GSK3B: variants seen among roughly 807,000 people sequenced by gnomAD.
The protein encoded by GSK3B is glycogen synthase kinase 3 beta.
A neutral mutation model predicts 56.4 loss-of-function variants in GSK3B; 15 were observed. The ratio of observed to expected loss-of-function variants is 0.27; its 90% CI spans 0.18 to 0.41. The LOEUF is 0.41. Ranked by LOEUF, GSK3B falls within the 10% of genes least tolerant of loss-of-function variation. GSK3B has a pLI of 1.00. For synonymous variants in GSK3B, 181 were observed against 188.9 expected (o/e 0.96, Z 0.34); for missense variants, 300 against 513.4 (o/e 0.58, Z 4.02).
At chr3:119,875,076 T>C (rs1471180011) in intron 8 of GSK3B, among the ~76,000 whole-genome samples, 1 of 152,076 alleles carries the variant, frequency 6.6e-6, no homozygotes, top group Non-Finnish European at 1.5e-5. Flanking sequence ...TACTTAGTGC[T>C]TACCATAAAC....
chr3:119,982,305 C>A (rs1231228013), intron 2 of GSK3B, among the ~76,000 whole-genome samples: 1 of 152,164 alleles, frequency 6.6e-6, no homozygotes, highest in Non-Finnish European at 1.5e-5. Context: ...CACCTCTTCA[C>A]CTCCAAAGGA....
chr3:119,931,802 GC>G (rs1468859931), intron 3 of GSK3B, among the ~76,000 whole-genome samples: 1 of 152,110 alleles, frequency 6.6e-6, no homozygotes, highest in African/African-American at 2.4e-5. Flanking sequence ...AAAGGAATCT[GC>G]TATTATACAA....
chr3:119,844,113 C>A (rs1179991117), intron 9 of GSK3B, among the ~76,000 whole-genome samples: 1 of 152,148 alleles, frequency 6.6e-6, no homozygotes, highest in Admixed American at 6.5e-5. Flanking sequence ...TAAATAAGTT[C>A]TTCGAAACCA....
At position 119,826,440 on chromosome 3, in the gene GSK3B, GGGGCA is replaced by G; in HGVS notation, c.*343_*347del. The G allele has an allele frequency of 2.2e-6, 1 of 445,266 alleles. No individual in the cohort carries two copies. The highest frequency in any genetic ancestry group is 2.0e-5 in the African/African-American group (1 of 51,144). The allele number at this position is 445,266 out of a possible 1,614,324, so 27.6% of individuals were successfully genotyped here. A position where few individuals can be genotyped will look rare whatever the true frequency, so the allele number is the denominator to read the frequency against. On this transcript the variant is annotated 3_prime_UTR_variant, in exon 11 of 11. Transcript: ENST00000264235. ...AAAAAGGTTTTCTTCTTTTGTGGAA[GGGGCA>G]TGAGGCAGGAGTCCTGTTTTTAAAG...
intron 7 of GSK3B, among the ~76,000 whole-genome samples, chr3:119,880,865 T>A (rs1179170679): frequency 6.6e-6 from 1 of 152,140 alleles, no homozygotes; most frequent in Non-Finnish European, 1.5e-5. Context: ...TTCCGTCACA[T>A]GCAACTCTAT....
chr3:120,073,638 A>C (rs1315718392), intron 1 of GSK3B, among the ~76,000 whole-genome samples: 1 of 152,196 alleles, frequency 6.6e-6, no homozygotes, highest in South Asian at 2.1e-4. Flanking sequence ...TACCCTAAAA[A>C]ACCTTAATTC....
At chr3:119,907,489 TATCA>T (rs2056694135) in intron 6 of GSK3B, among the ~76,000 whole-genome samples, 1 of 152,112 alleles carries the variant, frequency 6.6e-6, no homozygotes, top group Admixed American at 6.5e-5. Flanking sequence ...ACAAGGTACT[TATCA>T]ATCACTTTCT....
intron 1 of GSK3B, among the ~76,000 whole-genome samples, chr3:120,014,581 T>G (rs563481861): frequency 2.6e-5 from 4 of 152,192 alleles, no homozygotes; most frequent in Non-Finnish European, 4.4e-5. Flanking sequence ...AAATCAACCC[T>G]AATGATCAAC....
chr3:120,056,651 T>C (rs927127345), intron 1 of GSK3B, among the ~76,000 whole-genome samples: 2 of 151,958 alleles, frequency 1.3e-5, no homozygotes, highest in Admixed American at 6.6e-5. Context: ...AGGTTCTCAA[T>C]AGTTTTTAAG....
intron 2 of GSK3B, among the ~76,000 whole-genome samples, chr3:119,965,814 A>T (rs1576234596): frequency 6.6e-6 from 1 of 151,718 alleles, no homozygotes; most frequent in East Asian, 1.9e-4. Flanking sequence ...ATTTAAAAAA[A>T]TTTTAAAGGC....
chr3:120,035,608 T>A (rs1401767490), intron 1 of GSK3B, among the ~76,000 whole-genome samples: 1 of 152,266 alleles, frequency 6.6e-6, no homozygotes, highest in African/African-American at 2.4e-5. Flanking sequence ...TTCCAATTCA[T>A]GAACATAGGA....
chr3:119,962,402 AAAC>A (rs2057281316), intron 2 of GSK3B, among the ~76,000 whole-genome samples: 1 of 151,752 alleles, frequency 6.6e-6, no homozygotes, highest in African/African-American at 2.4e-5. Context: ...AAAAACAAAA[AAAC>A]AAAAAAAGCC....
chr3:120,086,573 T>C lies in GSK3B; in HGVS notation c.88+6774A>G, dbSNP rs538632235. 5.9e-5 allele frequency among the ~76,000 whole-genome samples: 9 copies of C among 152,026 alleles called. No individual in the cohort carries two copies. In the South Asian group the frequency reaches 8.3e-4, roughly 14 times the overall value. On this transcript the variant is annotated intron_variant, in intron 1 of 10. Transcript: ENST00000264235. ...AGCACTGTGGGAGGCTGAGGCAGGATTGCTTGATTCCAGGAGTTCAAGACC... is the reference window on the plus strand; with the variant it reads ...AGCACTGTGGGAGGCTGAGGCAGGACTGCTTGATTCCAGGAGTTCAAGACC...
chr3:119,863,724 G>C, intron 8 of GSK3B, 119 bp from the exon 9 acceptor site: 2 of 638,488 alleles, frequency 3.1e-6, no homozygotes, highest in Admixed American at 2.9e-5. Flanking sequence ...ATTTGGGAAA[G>C]GACCTTCTAG....
chr3:119,992,964 T>C (rs2057578972), intron 2 of GSK3B, among the ~76,000 whole-genome samples: 1 of 151,474 alleles, frequency 6.6e-6, no homozygotes, highest in Non-Finnish European at 1.5e-5. Flanking sequence ...CAGGCACTCA[T>C]ACTTAACTAG....
chr3:119,985,624 CA>C (rs529236065), intron 2 of GSK3B, among the ~76,000 whole-genome samples: 121 of 152,250 alleles, frequency 7.9e-4, no homozygotes, highest in Middle Eastern at 3.4e-3. Context: ...ATACAACTTA[CA>C]AAGAATGTGA....
At chr3:120,012,681 A>AT (rs1274845756) in intron 1 of GSK3B, among the ~76,000 whole-genome samples, 1 of 152,190 alleles carries the variant, frequency 6.6e-6, no homozygotes, top group East Asian at 1.9e-4. Flanking sequence ...ATACAGAATA[A>AT]TTTTTTTCTT....
At chr3:120,028,774 G>C (rs2057950814) in intron 1 of GSK3B, 4 of 471,042 alleles carry the variant, frequency 8.5e-6, no homozygotes, top group South Asian at 6.5e-5. Flanking sequence ...AGAGGTTGGG[G>C]CAGCGACCAG....
At chr3:119,856,142 A>G (rs2056020036) in intron 9 of GSK3B, among the ~76,000 whole-genome samples, 1 of 152,134 alleles carries the variant, frequency 6.6e-6, no homozygotes, top group Admixed American at 6.5e-5. Context: ...AATTTTGAAG[A>G]TGCATATGTC....
Sources: allele counts gnomAD v4.1 joint callset (sites outside exome capture counted in the v4.1 genomes callset), GRCh38; gene constraint gnomAD v4.1.1; transcripts MANE v1.5; gene names NCBI Gene and HGNC (gene_info 2026-07-23, HGNC 2026-07-21).